SLC2A13: variants seen among roughly 807,000 people sequenced by gnomAD.
SLC2A13 encodes the protein solute carrier family 2 member 13.
Under a neutral mutation model 64.4 loss-of-function variants are expected in SLC2A13, and 32 were observed. That is an observed-to-expected ratio of 0.50 (90% CI 0.37 to 0.67). SLC2A13 has a LOEUF of 0.67. Among genes scored for constraint, SLC2A13 ranks in the 30% least tolerant of loss-of-function variants. SLC2A13 has a pLI of 0.00. For synonymous variants in SLC2A13, 338 were observed against 327.1 expected (o/e 1.03, Z -0.36); for missense variants, 743 against 829.2 (o/e 0.90, Z 1.28).
chr12:39,789,026 T>G (rs907635612), intron 7 of SLC2A13, among the ~76,000 whole-genome samples: 1 of 152,166 alleles, frequency 6.6e-6, no homozygotes, highest in South Asian at 2.1e-4. Context: ...AAGTCTGTTA[T>G]ACATACAAAG....
chr12:40,041,831 A>G (rs1361778935), intron 2 of SLC2A13, among the ~76,000 whole-genome samples: 2 of 152,246 alleles, frequency 1.3e-5, no homozygotes, highest in Non-Finnish European at 2.9e-5. Context: ...GTCATGGCAC[A>G]CTCTGCTAAA....
intron 1 of SLC2A13, among the ~76,000 whole-genome samples, chr12:40,069,640 A>C (rs755332393): frequency 6.7e-6 from 1 of 148,832 alleles, no homozygotes; most frequent in Admixed American, 6.7e-5. Context: ...ACCATGGTTG[A>C]AAAAAAAAAG....
intron 7 of SLC2A13, among the ~76,000 whole-genome samples, chr12:39,818,529 C>T (rs937742666): frequency 6.6e-6 from 1 of 152,070 alleles, no homozygotes; most frequent in African/African-American, 2.4e-5. Context: ...TAGCTAATTA[C>T]GTAAGTTTAT....
At chr12:39,918,131 C>A (rs1189309794) in intron 4 of SLC2A13, among the ~76,000 whole-genome samples, 1 of 152,012 alleles carries the variant, frequency 6.6e-6, no homozygotes. Context: ...TACTGACCAA[C>A]CTTATAAGGC....
At chr12:39,916,753 G>C (rs1395041696) in intron 4 of SLC2A13, among the ~76,000 whole-genome samples, 3 of 152,062 alleles carry the variant, frequency 2.0e-5, no homozygotes, top group Non-Finnish European at 2.9e-5. Context: ...TTGTGTTTAA[G>C]TAATTAGTAA....
intron 7 of SLC2A13, among the ~76,000 whole-genome samples, chr12:39,776,100 T>G (rs1316701161): frequency 6.6e-6 from 1 of 152,218 alleles, no homozygotes; most frequent in African/African-American, 2.4e-5. Flanking sequence ...TTCTTCCATA[T>G]TGCTGTTCCC....
intron 4 of SLC2A13, among the ~76,000 whole-genome samples, chr12:39,902,258 T>C (rs1592267274): frequency 2.0e-5 from 3 of 151,172 alleles, no homozygotes; most frequent in Admixed American, 6.6e-5. Flanking sequence ...AATTAATGGG[T>C]GCAGCACACC....
At chr12:39,761,155 C>T (rs1192401100) in intron 9 of SLC2A13, among the ~76,000 whole-genome samples, 1 of 151,874 alleles carries the variant, frequency 6.6e-6, no homozygotes, top group East Asian at 1.9e-4. Flanking sequence ...GGATATCAGA[C>T]TGGGAGTGGG....
At chr12:40,004,150 A>G (rs1476288201) in intron 3 of SLC2A13, among the ~76,000 whole-genome samples, 1 of 152,130 alleles carries the variant, frequency 6.6e-6, no homozygotes, top group African/African-American at 2.4e-5. Flanking sequence ...GTATATGGGA[A>G]GATGTACATA....
intron 2 of SLC2A13, 35 bp downstream of exon 2, chr12:40,048,016 A>G: frequency 1.9e-6 from 3 of 1,549,900 alleles, no homozygotes; most frequent in Non-Finnish European, 8.7e-7. Context: ...CAAAATCAAG[A>G]TTTGAAAAAT....
At chr12:40,090,761 C>T (rs1182062166) in intron 1 of SLC2A13, among the ~76,000 whole-genome samples, 2 of 152,102 alleles carry the variant, frequency 1.3e-5, no homozygotes, top group East Asian at 3.8e-4. Flanking sequence ...AGGTTATAAA[C>T]CTTTTTTTAA....
At chr12:40,104,434 G>T (rs1313628213) in intron 1 of SLC2A13, among the ~76,000 whole-genome samples, 1 of 152,152 alleles carries the variant, frequency 6.6e-6, no homozygotes, top group Non-Finnish European at 1.5e-5. Context: ...CTTCATTTTT[G>T]AAGTAAATTC....
At chr12:39,854,823 T>A (rs1167039924) in intron 6 of SLC2A13, among the ~76,000 whole-genome samples, 1 of 152,148 alleles carries the variant, frequency 6.6e-6, no homozygotes, top group Non-Finnish European at 1.5e-5. Context: ...GAAGGGCAAA[T>A]CTGTTTTCCG....
intron 7 of SLC2A13, among the ~76,000 whole-genome samples, chr12:39,813,023 T>TTTTAG (rs1277239317): frequency 1.5e-5 from 2 of 133,768 alleles, no homozygotes; most frequent in African/African-American, 5.6e-5. Context: ...TTTTTTTTTT[T>TTTTAG]TAGTAGAGAT....
intron 6 of SLC2A13, among the ~76,000 whole-genome samples, chr12:39,853,607 C>CTTTTTT (rs748984164): frequency 7.3e-6 from 1 of 136,140 alleles, no homozygotes; most frequent in Admixed American, 7.4e-5. Context: ...TTCTTTCTTT[C>CTTTTTT]TTTTTTTTTT....
At position 39,771,277 on chromosome 12, in the gene SLC2A13, C is replaced by T. The variant is rs118099439; in HGVS notation, c.1446-6419G>A. On this transcript the variant is annotated intron_variant, in intron 7 of 9. Coordinates refer to ENST00000280871, the MANE Select transcript of SLC2A13 (RefSeq NM_052885.4). The stretch of plus-strand genomic sequence containing the variant: ...GTGGGAGTGACCTTGGATTTGCTTC[C>T]GACCAACAGAATATGGCAAAAGTGA... Among the ~76,000 whole-genome samples, 56 of 152,096 alleles carry T rather than the reference C, an allele frequency of 3.7e-4. 1 individual carries two copies. In the East Asian group the frequency reaches 7.9e-3, roughly 22 times the overall value.
intron 1 of SLC2A13, among the ~76,000 whole-genome samples, chr12:40,079,841 A>G (rs1938327524): frequency 6.6e-6 from 1 of 152,182 alleles, no homozygotes; most frequent in South Asian, 2.1e-4. Context: ...TGAACCATTT[A>G]TCATTATGTA....
At chr12:39,918,232 A>G (rs1014232298) in intron 4 of SLC2A13, among the ~76,000 whole-genome samples, 1 of 152,132 alleles carries the variant, frequency 6.6e-6, no homozygotes, top group Non-Finnish European at 1.5e-5. Flanking sequence ...GAGGGTTACA[A>G]CCTTTTCCTA....
At chr12:39,963,828 G>T (rs1160953153) in intron 3 of SLC2A13, among the ~76,000 whole-genome samples, 1 of 152,138 alleles carries the variant, frequency 6.6e-6, no homozygotes, top group African/African-American at 2.4e-5. Context: ...CAACAAATAA[G>T]TACTAATGAG....
Sources: allele counts gnomAD v4.1 joint callset (sites outside exome capture counted in the v4.1 genomes callset), GRCh38; gene constraint gnomAD v4.1.1; transcripts MANE v1.5; gene names NCBI Gene and HGNC (gene_info 2026-07-23, HGNC 2026-07-21).